RBFOX1: variants seen among roughly 807,000 people sequenced by gnomAD.
The protein encoded by RBFOX1 is RNA binding protein fox-1 homolog 1.
A neutral mutation model predicts 57.7 loss-of-function variants in RBFOX1; 8 were observed. The observed-to-expected ratio is 0.14, with a 90% CI of 0.08 to 0.25. The LOEUF (loss-of-function observed/expected upper bound fraction) is 0.25. Ranked by LOEUF, RBFOX1 falls within the 10% of genes least tolerant of loss-of-function variation. RBFOX1 has a pLI of 1.00. For missense variants in RBFOX1, 611 were observed against 548.5 expected (o/e 1.11, Z -1.14); for synonymous variants, 326 against 222.4 (o/e 1.47, Z -4.15).
At chr16:6,061,016 C>G (rs2152458836) in intron 1 of RBFOX1, among the ~76,000 whole-genome samples, 1 of 152,266 alleles carries the variant, frequency 6.6e-6, no homozygotes, top group African/African-American at 2.4e-5. Context: ...GAGGACAGAA[C>G]CTGGTTGGTC....
chr16:5,929,842 A>G (rs946164053), intron 4 of RBFOX1, among the ~76,000 whole-genome samples: 1 of 143,318 alleles, frequency 7.0e-6, no homozygotes, highest in African/African-American at 2.5e-5. Flanking sequence ...CTAGAAGGTA[A>G]GTAGGTACAA....
At chr16:6,006,321 C>T (rs752490421) in intron 4 of RBFOX1, among the ~76,000 whole-genome samples, 27 of 151,880 alleles carry the variant, frequency 1.8e-4, no homozygotes, top group Non-Finnish European at 3.2e-4. Flanking sequence ...GGTATGTGAT[C>T]CCATCTGGAC....
chr16:6,141,028 T>C (rs1474984378), intron 1 of RBFOX1, among the ~76,000 whole-genome samples: 2 of 152,072 alleles, frequency 1.3e-5, no homozygotes, highest in Non-Finnish European at 2.9e-5. Context: ...CCCTCCCACA[T>C]TGTTGTGAGA....
intron 3 of RBFOX1, among the ~76,000 whole-genome samples, chr16:6,859,184 T>TATATATATA (rs57442083): frequency 2.0e-5 from 1 of 49,292 alleles, no homozygotes; most frequent in African/African-American, 8.0e-5. Context: ...TGTATATATA[T>TATATATATA]GTATATATAT....
chr16:7,676,989 G>T (rs542223174), intron 14 of RBFOX1, 151 bp downstream of exon 14: 5 of 700,406 alleles, frequency 7.1e-6, no homozygotes, highest in Non-Finnish European at 9.9e-6. Flanking sequence ...GTGAACTCAA[G>T]TCCCCATAGA....
At chr16:5,416,601 A>T (rs1394756665) in intron 1 of RBFOX1, among the ~76,000 whole-genome samples, 1 of 152,052 alleles carries the variant, frequency 6.6e-6, no homozygotes, top group Non-Finnish European at 1.5e-5. Flanking sequence ...CACTTTAAAG[A>T]TCTCACTGCA....
intron 2 of RBFOX1, among the ~76,000 whole-genome samples, chr16:6,476,290 C>T (rs1332998673): frequency 6.6e-6 from 1 of 152,084 alleles, no homozygotes; most frequent in African/African-American, 2.4e-5. Context: ...TAGAGACATA[C>T]ACATACACTT....
At chr16:5,393,814 T>C (rs1383587408) in intron 1 of RBFOX1, among the ~76,000 whole-genome samples, 1 of 152,156 alleles carries the variant, frequency 6.6e-6, no homozygotes, top group Non-Finnish European at 1.5e-5. Context: ...CCACCATCCA[T>C]CTCCAGAACT....
intron 2 of RBFOX1, among the ~76,000 whole-genome samples, chr16:6,646,075 A>T (rs1861036): frequency 0.45 from 66,857 of 148,648 alleles, 15,367 homozygotes; most frequent in South Asian, 0.66. Context: ...TGATGAGTCC[A>T]CAGCTCAAAA....
chr16:7,272,090 G>A (rs540182112), intron 4 of RBFOX1, among the ~76,000 whole-genome samples: 1 of 152,104 alleles, frequency 6.6e-6, no homozygotes, highest in Non-Finnish European at 1.5e-5. Flanking sequence ...CCCCATTGTC[G>A]GCGTTTGTAA....
chr16:6,733,315 TG>T (rs1299946088), intron 3 of RBFOX1, among the ~76,000 whole-genome samples: 1 of 152,116 alleles, frequency 6.6e-6, no homozygotes, highest in African/African-American at 2.4e-5. Context: ...AAATATGACT[TG>T]GGCATATATG....
chr16:6,184,403 A>G (rs2097091451), intron 1 of RBFOX1, among the ~76,000 whole-genome samples: 1 of 152,182 alleles, frequency 6.6e-6, no homozygotes, highest in Non-Finnish European at 1.5e-5. Context: ...CATGGGGGTG[A>G]GAAGTCGTGG....
At chr16:5,319,695 C>T (rs1012290988) in intron 1 of RBFOX1, among the ~76,000 whole-genome samples, 1 of 152,216 alleles carries the variant, frequency 6.6e-6, no homozygotes, top group Non-Finnish European at 1.5e-5. Context: ...GGGAAAGTCA[C>T]ACTAGAGGCT....
At chr16:5,928,172 T>C (rs951358437) in intron 4 of RBFOX1, among the ~76,000 whole-genome samples, 8 of 152,136 alleles carry the variant, frequency 5.3e-5, no homozygotes, top group Non-Finnish European at 7.3e-5. Context: ...CAGCTCACTG[T>C]AGCCTTGATC....
rs1004178164 is a variant in RBFOX1 at position 6,537,964 on chromosome 16, C to A, written c.-63-116639C>A. On this transcript the variant is annotated intron_variant, in intron 2 of 15. Transcript: ENST00000550418. The stretch of plus-strand genomic sequence containing the variant: ...TAATAAAAAGGATATCCTAGGAACT[C>A]TACAGTGATTTGCAGATTAATTCTA... Among the ~76,000 whole-genome samples the A allele has an allele frequency of 4.0e-5, 6 of 151,640 alleles. No individual in the cohort carries two copies. In the East Asian group the frequency reaches 1.2e-3, roughly 29 times the overall value.
At chr16:7,006,168 T>G (rs1251149143) in intron 3 of RBFOX1, among the ~76,000 whole-genome samples, 1 of 152,128 alleles carries the variant, frequency 6.6e-6, no homozygotes, top group Non-Finnish European at 1.5e-5. Flanking sequence ...TTATTTTTTT[T>G]TGAGATGGAG....
intron 2 of RBFOX1, among the ~76,000 whole-genome samples, chr16:6,620,915 G>A (rs2098220500): frequency 6.6e-6 from 1 of 152,188 alleles, no homozygotes; most frequent in Non-Finnish European, 1.5e-5. Flanking sequence ...CCACAAACTG[G>A]TGGCTTAAAA....
chr16:5,935,521 G>A lies in RBFOX1; in HGVS notation c.351+68186G>A, dbSNP rs371038795. On this transcript the variant is annotated intron_variant, in intron 4 of 19. Coordinates refer to the RBFOX1 transcript ENST00000641259. ...ACCTGGCCCTGGGGTGATTAGGGCC[G>A]GTGGACAGTGGCCTGGAGTGTGAGA... Among the ~76,000 whole-genome samples, 393 of 152,306 alleles carry A rather than the reference G, an allele frequency of 2.6e-3. 1 individual carries two copies. The highest frequency in any genetic ancestry group is 7.0e-3 in the African/African-American group (289 of 41,568).
chr16:7,000,735 G>C (rs527971585), intron 3 of RBFOX1, among the ~76,000 whole-genome samples: 1 of 151,352 alleles, frequency 6.6e-6, no homozygotes, highest in East Asian at 2.0e-4. Context: ...CTCCCAAGTA[G>C]CTGGGACTAC....
Sources: gnomAD v4.1 joint callset for allele counts (sites outside exome capture counted in the v4.1 genomes callset) on GRCh38, gnomAD v4.1.1 for gene constraint, MANE v1.5 for transcripts, NCBI Gene and HGNC (gene_info 2026-07-23, HGNC 2026-07-21) for gene names.